The following GPHN variants were observed in gnomAD, a reference collection of about 807,000 sequenced individuals.
GPHN encodes gephyrin.
In GPHN, 17 loss-of-function variants were observed where a neutral mutation model predicts 95.5. The observed-to-expected ratio is 0.18, with a 90% CI of 0.12 to 0.27. The LOEUF (loss-of-function observed/expected upper bound fraction) is 0.27. Ranked by LOEUF, GPHN falls within the 10% of genes least tolerant of loss-of-function variation. The pLI, the probability that GPHN is intolerant of heterozygous loss-of-function variation, is 1.00. For missense variants in GPHN, 660 were observed against 978.1 expected (o/e 0.67, Z 4.34); for synonymous variants, 320 against 322.5 (o/e 0.99, Z 0.08).
At chr14:66,516,175 T>A (rs1364553510) in intron 1 of GPHN, among the ~76,000 whole-genome samples, 1 of 130,164 alleles carries the variant, frequency 7.7e-6, no homozygotes, top group Non-Finnish European at 1.8e-5. Flanking sequence ...CCTGGCTAAT[T>A]TTTTTTTTTT....
At chr14:66,895,446 A>G (rs1024835161) in intron 5 of GPHN, among the ~76,000 whole-genome samples, 3 of 152,186 alleles carry the variant, frequency 2.0e-5, no homozygotes, top group Admixed American at 1.3e-4. Context: ...AACATGGCAC[A>G]TGTATACATA....
intron 2 of GPHN, among the ~76,000 whole-genome samples, chr14:66,705,523 A>G (rs988215413): frequency 1.3e-5 from 2 of 152,216 alleles, no homozygotes; most frequent in Admixed American, 6.5e-5. Flanking sequence ...ACCCAAATCA[A>G]TGAATGTAAC....
chr14:67,606,105 T>A, the GPHN span, among the ~76,000 whole-genome samples: 4 of 152,252 alleles, frequency 2.6e-5, no homozygotes, highest in Admixed American at 2.6e-4. Context: ...TACCATAGTT[T>A]ACTTACTGTC....
the GPHN span, chr14:67,585,908 C>G: frequency 6.3e-7 from 1 of 1,578,034 alleles, no homozygotes; most frequent in East Asian, 2.2e-5. Flanking sequence ...GCTCAGGGGA[C>G]AGGTGGAAAG....
intron 2 of GPHN, among the ~76,000 whole-genome samples, chr14:66,744,875 T>A (rs1007155047): frequency 7.2e-5 from 11 of 152,108 alleles, no homozygotes; most frequent in African/African-American, 2.2e-4. Flanking sequence ...TATTTACTTA[T>A]AAGGATTTAT....
At chr14:67,600,041 G>A in the GPHN span, 1 of 1,574,462 alleles carries the variant, frequency 6.4e-7, no homozygotes, top group East Asian at 2.4e-5. Context: ...AGGGTGAAGA[G>A]TCCGTAGGCC....
At chr14:66,530,423 C>T (rs2058871916) in intron 1 of GPHN, among the ~76,000 whole-genome samples, 1 of 152,132 alleles carries the variant, frequency 6.6e-6, no homozygotes, top group Admixed American at 6.5e-5. Context: ...CACTTGGCTC[C>T]CTGGCTTAAG....
chr14:66,713,034 A>G (rs2069810110), intron 2 of GPHN, among the ~76,000 whole-genome samples: 1 of 151,844 alleles, frequency 6.6e-6, no homozygotes, highest in Non-Finnish European at 1.5e-5. Flanking sequence ...AGTTTGTTGT[A>G]TATTTTGGAT....
At chr14:67,117,154 G>C (rs1416474605) in intron 16 of GPHN, among the ~76,000 whole-genome samples, 3 of 152,202 alleles carry the variant, frequency 2.0e-5, no homozygotes, top group African/African-American at 7.2e-5. Context: ...TCTTTGCAAA[G>C]AGTGGGAAAG....
intron 4 of GPHN, among the ~76,000 whole-genome samples, chr14:66,827,245 T>A (rs904056699): frequency 6.6e-6 from 1 of 151,472 alleles, no homozygotes; most frequent in African/African-American, 2.4e-5. Flanking sequence ...GATCACAACA[T>A]TGCACTCCAG....
chr14:67,489,612 C>T, the GPHN span, among the ~76,000 whole-genome samples: 1 of 152,192 alleles, frequency 6.6e-6, no homozygotes, highest in African/African-American at 2.4e-5. Context: ...CGATGCCGTC[C>T]CACAACCTCC....
At chr14:67,342,121 C>T in the GPHN span, among the ~76,000 whole-genome samples, 1 of 151,598 alleles carries the variant, frequency 6.6e-6, no homozygotes, top group Non-Finnish European at 1.5e-5. Context: ...ACCTTCCCTC[C>T]ACTATTGTCC....
the GPHN span, among the ~76,000 whole-genome samples, chr14:67,389,674 C>T: frequency 6.6e-6 from 1 of 151,720 alleles, no homozygotes; most frequent in East Asian, 1.9e-4. Flanking sequence ...TCTCAGTTTC[C>T]TATTTTAAAA....
chr14:67,650,701 C>CT, the GPHN span: 15 of 1,612,900 alleles, frequency 9.3e-6, no homozygotes, highest in Admixed American at 3.3e-5. Context: ...TTTTGTCACA[C>CT]TTTGTTCTTC....
chr14:67,506,130 A>G, the GPHN span, among the ~76,000 whole-genome samples: 15 of 152,204 alleles, frequency 9.9e-5, 1 homozygote, highest in South Asian at 4.1e-4. Flanking sequence ...CCCAGTGAGC[A>G]CTTTCCTGCC....
intron 8 of GPHN, among the ~76,000 whole-genome samples, chr14:66,941,427 G>A (rs1337021107): frequency 6.6e-6 from 1 of 152,128 alleles, no homozygotes; most frequent in Admixed American, 6.5e-5. Flanking sequence ...ACCTTTTAAA[G>A]TGAAGCCCAG....
chr14:67,197,971 T>C, the GPHN span, among the ~76,000 whole-genome samples: 1 of 152,184 alleles, frequency 6.6e-6, no homozygotes, highest in Admixed American at 6.5e-5. Context: ...AGGGCAGAGA[T>C]CTTATCAGTC....
intron 1 of GPHN, among the ~76,000 whole-genome samples, chr14:66,529,425 G>A (rs1206812178): frequency 1.3e-5 from 2 of 152,028 alleles, no homozygotes; most frequent in Non-Finnish European, 2.9e-5. Context: ...CTTCAGCTCG[G>A]AGGAGTTCAT....
chr14:67,256,622 A>T, the GPHN span, among the ~76,000 whole-genome samples: 262 of 152,164 alleles, frequency 1.7e-3, 5 homozygotes, highest in East Asian at 7.9e-3. Context: ...ATCTTGGCTC[A>T]TTGCAACCTT....
Sources: gnomAD v4.1 joint callset for allele counts (sites outside exome capture counted in the v4.1 genomes callset) on GRCh38, gnomAD v4.1.1 for gene constraint, MANE v1.5 for transcripts, NCBI Gene and HGNC (gene_info 2026-07-23, HGNC 2026-07-21) for gene names.